ARSD: variants seen among roughly 807,000 people sequenced by gnomAD.
ARSD encodes the protein testis tissue sperm-binding protein Li 39a.
ARSD carries 21 observed loss-of-function variants against 32.6 expected under a neutral mutation model. The ratio of observed to expected loss-of-function variants is 0.64; its 90% CI spans 0.46 to 0.93. The LOEUF is 0.93. Ranked by LOEUF, ARSD falls within the 40% of genes least tolerant of loss-of-function variation. ARSD has a pLI of 0.00. For synonymous variants in ARSD, 224 were observed against 237.4 expected (o/e 0.94, Z 0.52); for missense variants, 454 against 520.9 (o/e 0.87, Z 1.25).
intron 3 of ARSD, among the ~76,000 whole-genome samples, chrX:2,921,545 T>TTATC (rs759617482): frequency 1.6e-4 from 18 of 111,913 alleles, no homozygotes; most frequent in African/African-American, 5.5e-4. Flanking sequence ...AGCTGTCAAT[T>TTATC]TATCTATCTA....
At chrX:2,916,388 C>G (rs1239973228) in intron 5 of ARSD, among the ~76,000 whole-genome samples, 1 of 109,582 alleles carries the variant, frequency 9.1e-6, no homozygotes, top group Non-Finnish European at 1.9e-5. Context: ...ATCTCGGCCA[C>G]TCAAGAGGCT....
rs192637617 is a variant in ARSD, at chrX:2,922,576, C to T, written c.195-552G>A. 1.8e-3 allele frequency among the ~76,000 whole-genome samples: 192 copies of T among 108,823 alleles called. 1 individual carries two copies. Among genetic ancestry groups the T allele is most frequent in the African/African-American group, 6.2e-3 (184 of 29,885 alleles). The allele number at this position is 108,823 out of a possible 115,157, so 94.5% of individuals were successfully genotyped here. A position where few individuals can be genotyped will look rare whatever the true frequency, so the allele number is the denominator to read the frequency against. ...AGGGCCGGGCACGGTGGCTCACGCCCGTAATCTCAACTCTTTGGGAGGCCT... is the reference window on the plus strand; with the variant it reads ...AGGGCCGGGCACGGTGGCTCACGCCTGTAATCTCAACTCTTTGGGAGGCCT... On this transcript the variant is annotated intron_variant, in intron 2 of 9. Transcript: ENST00000381154.
Position 2,907,507 on chromosome X carries a change from G to T in ARSD, c.1546C>A (p.Leu516Ile). The change falls in exon 10 of 10, where the codon CTC becomes ATC. Residue 516 changes from leucine (L) to isoleucine (I), a missense_variant. Transcript: ENST00000381154. ...GAGGGGTCCCTGGAGAGGTCAAAGA[G>T]CAAAGGGGGTCTGTGATGGGTCACG... is the stretch of plus-strand genomic sequence containing the variant. ...EGVTHHRPPL[L>I]FDLSRDPSEA... 3 of 1,202,425 alleles carry T rather than the reference G, an allele frequency of 2.5e-6. No homozygotes were observed. Among genetic ancestry groups the T allele is most frequent in the Non-Finnish European group, 3.4e-6 (3 of 890,290 alleles).
Position 2,909,819 on chromosome X carries a change from G to C in ARSD, c.1296C>G (p.Asp432Glu). The C allele has an allele frequency of 8.3e-7, 1 of 1,203,737 alleles. No homozygotes were observed. The change falls in exon 8 of 10, where the codon GAC (aspartate) becomes GAG (glutamate). Residue 432 changes from aspartate to glutamate, a missense_variant and splice_region_variant. Coordinates refer to ENST00000381154, the MANE Select transcript of ARSD (RefSeq NM_001669.4). ...VQLVGGEVPQDRVIDGHSLVP... is the reference protein window; with the variant it reads ...VQLVGGEVPQERVIDGHSLVP... ...CAGGCAGCCTTATCTCCACGTACCTGTCCTGGGGCACCTCGCCACCCACCA... is the reference window on the plus strand; with the variant it reads ...CAGGCAGCCTTATCTCCACGTACCTCTCCTGGGGCACCTCGCCACCCACCA...
chrX:2,918,030 T>C lies in ARSD; in HGVS notation c.637A>G (p.Thr213Ala), dbSNP rs2088986139. Residue 213 changes from threonine to alanine, a missense_variant, in exon 5 of 10, where the codon ACC becomes GCC. Thr to Ala is a moderately conservative substitution (Grantham distance 58). Around this residue, in one of 3 missense-constraint regions of ARSD, gnomAD observed 271 missense variants for 301.0 expected, o/e 0.90. Transcript: ENST00000381154. ...YTQFLALGIL[T>A]LAAGQTCGFF... ...CCGCAGGTCTGGCCGGCAGCCAGGG[T>C]GAGAATCCCCAGCGCCAGGAACTGG... The C allele has an allele frequency of 1.7e-6, 2 of 1,203,646 alleles. No individual in the cohort carries two copies. Among genetic ancestry groups the C allele is most frequent in the Non-Finnish European group, 1.1e-6 (1 of 891,801 alleles).
At chrX:2,927,249 T>TC (rs1357989805) in intron 1 of ARSD, among the ~76,000 whole-genome samples, 1 of 107,213 alleles carries the variant, frequency 9.3e-6, no homozygotes, top group Non-Finnish European at 1.9e-5. Flanking sequence ...CCTTTTTTTT[T>TC]TAATTTTAAT....
chrX:2,927,165 G>C (rs973205793), intron 1 of ARSD, among the ~76,000 whole-genome samples: 3 of 111,214 alleles, frequency 2.7e-5, no homozygotes, highest in African/African-American at 3.3e-5. Context: ...AGGAGAATAG[G>C]GTCTGGAGGC....
At chrX:2,919,134 TAATA>T in intron 4 of ARSD, among the ~76,000 whole-genome samples, 1 of 105,308 alleles carries the variant, frequency 9.5e-6, no homozygotes, top group East Asian at 3.0e-4. Flanking sequence ...TAAAAATAAA[TAATA>T]AATAAAAGAA....
At chrX:2,915,794 G>T in intron 5 of ARSD, 102 bp from the exon 6 acceptor site, 2 of 831,457 alleles carry the variant, frequency 2.4e-6, no homozygotes, top group Non-Finnish European at 3.4e-6. Flanking sequence ...AAGAGCCAAG[G>T]CAGGGGATCA....
chrX:2,923,303 G>A (rs1352381703), intron 2 of ARSD: 1 of 233,335 alleles, frequency 4.3e-6, no homozygotes, highest in Admixed American at 4.6e-5. Flanking sequence ...GTGAAAACCT[G>A]TCTCTACAAA....
intron 4 of ARSD, chrX:2,920,310 C>A (rs2147324201): frequency 9.9e-6 from 3 of 303,935 alleles, no homozygotes; most frequent in South Asian, 4.1e-5. Context: ...ATGGACCAGG[C>A]ACCAACTTCT....
chrX:2,925,018 AC>A, intron 2 of ARSD, among the ~76,000 whole-genome samples: 1 of 111,069 alleles, frequency 9.0e-6, no homozygotes, highest in Middle Eastern at 4.6e-3. Context: ...CTCTTCAAAG[AC>A]CCCATCTCTG....
chrX:2,913,871 T>C, intron 6 of ARSD: 1 of 429,044 alleles, frequency 2.3e-6, no homozygotes, highest in South Asian at 5.4e-5. Flanking sequence ...CATCCCCCGC[T>C]TGGTGCTGCG....
intron 9 of ARSD, chrX:2,907,940 C>A: frequency 1.1e-6 from 1 of 874,818 alleles, no homozygotes; most frequent in Non-Finnish European, 1.4e-6. Flanking sequence ...TAATTCTTCC[C>A]CTTTCCCCTG....
At position 2,918,227 on chromosome X, in the gene ARSD, C is replaced by T; in HGVS notation, c.440G>A (p.Gly147Glu). The T allele has an allele frequency of 8.7e-7, 1 of 1,148,445 alleles. No individual in the cohort carries two copies. Among genetic ancestry groups the T allele is most frequent in the Non-Finnish European group, 1.2e-6 (1 of 863,386 alleles). 94.6% of individuals were successfully genotyped at this position (1,148,445 alleles called of 1,213,427 possible). Residue 147 changes from glycine to glutamate, a missense_variant and splice_region_variant, in exon 5 of 10, where the codon GGA (glycine) becomes GAA (glutamate). Gly to Glu is a moderately conservative substitution (Grantham distance 98, BLOSUM62 -2). Transcript: ENST00000381154. ...QQHGYATGLI[G>E]KWHQGVNCAS... Reference sequence around the variant, plus strand: ...ACAATTCACACCCTGGTGCCATTTTCCTAAAAGAAACGCAAATGTTCAACA... The same window carrying T: ...ACAATTCACACCCTGGTGCCATTTTTCTAAAAGAAACGCAAATGTTCAACA...
intron 6 of ARSD, among the ~76,000 whole-genome samples, chrX:2,915,258 G>A (rs1390725092): frequency 9.0e-6 from 1 of 111,343 alleles, no homozygotes; most frequent in Non-Finnish European, 1.9e-5. Context: ...GTGTTAAAGC[G>A]ATTCTTGTAC....
At chrX:2,919,285 T>C (rs1466951517) in intron 4 of ARSD, among the ~76,000 whole-genome samples, 3 of 104,598 alleles carry the variant, frequency 2.9e-5, no homozygotes, top group Non-Finnish European at 5.8e-5. Context: ...GACAGTGGCT[T>C]TGAGTGTGAG....
intron 4 of ARSD, among the ~76,000 whole-genome samples, chrX:2,918,549 G>C (rs1489211496): frequency 9.0e-6 from 1 of 110,843 alleles, no homozygotes; most frequent in Admixed American, 9.6e-5. Context: ...AGGAAATCGA[G>C]ACCATCCTGG....
chrX:2,910,926 C>G, intron 6 of ARSD, 133 bp from the exon 7 acceptor site: 1 of 746,458 alleles, frequency 1.3e-6, no homozygotes, highest in South Asian at 2.7e-5. Flanking sequence ...ACTCGGAGGC[C>G]GTGGTTACAA....
Sources: allele counts gnomAD v4.1 joint callset (sites outside exome capture counted in the v4.1 genomes callset), GRCh38; gene constraint gnomAD v4.1.1; regional missense constraint gnomAD v4.1.1; transcripts MANE v1.5; gene names NCBI Gene and HGNC (gene_info 2026-07-23, HGNC 2026-07-21).